DGKI: variants seen among roughly 807,000 people sequenced by gnomAD.
DGKI encodes the protein diacylglycerol kinase iota.
DGKI carries 55 observed loss-of-function variants against 147.5 expected under a neutral mutation model. The ratio of observed to expected loss-of-function variants is 0.37; its 90% confidence interval spans 0.30 to 0.47. The LOEUF is 0.47. DGKI is among the 20% of genes least tolerant of loss of function. The pLI, the probability that DGKI is intolerant of heterozygous loss-of-function variation, is 1.00. For missense variants in DGKI, 1,007 were observed against 1,323.8 expected, an observed-to-expected ratio of 0.76 and a Z score of 3.71; for synonymous variants, 469 against 477.1, an observed-to-expected ratio of 0.98 and a Z score of 0.22.
At chr7:137,532,719 G>A (rs897272488) in intron 20 of DGKI, among the ~76,000 whole-genome samples, 12 of 152,036 alleles carry the variant, frequency 7.9e-5, no homozygotes, top group African/African-American at 2.9e-4. Flanking sequence ...TGACCCTCCC[G>A]CTTTCCCAAT....
At chr7:137,395,728 A>G (rs1436406028) in intron 31 of DGKI, 31 bp from the exon 32 acceptor site, 1 of 1,605,808 alleles carries the variant, frequency 6.2e-7, no homozygotes, top group East Asian at 2.2e-5. Context: ...GAAACCACCC[A>G]TAAAGGGGTT....
At chr7:137,736,312 T>C (rs1795021191) in intron 1 of DGKI, among the ~76,000 whole-genome samples, 1 of 152,076 alleles carries the variant, frequency 6.6e-6, no homozygotes, top group African/African-American at 2.4e-5. Flanking sequence ...TCAAGCTAGG[T>C]TGCACGAGGC....
At chr7:137,422,420 T>C (rs945584241) in intron 28 of DGKI, among the ~76,000 whole-genome samples, 16 of 152,108 alleles carry the variant, frequency 1.1e-4, no homozygotes, top group African/African-American at 3.9e-4. Flanking sequence ...TATTTTTATA[T>C]AGTACCACCA....
At chr7:137,767,741 C>T (rs979336164) in intron 1 of DGKI, among the ~76,000 whole-genome samples, 7 of 152,162 alleles carry the variant, frequency 4.6e-5, no homozygotes, top group Admixed American at 1.3e-4. Context: ...CAGCTACTAC[C>T]TACATGACTT....
intron 19 of DGKI, among the ~76,000 whole-genome samples, chr7:137,568,932 A>AT (rs1254707486): frequency 2.0e-5 from 3 of 151,646 alleles, no homozygotes; most frequent in Non-Finnish European, 4.4e-5. Flanking sequence ...AAAAAAAAAC[A>AT]CCCATACCAG....
At chr7:137,540,324 T>C (rs1021238113) in intron 20 of DGKI, among the ~76,000 whole-genome samples, 4 of 152,094 alleles carry the variant, frequency 2.6e-5, no homozygotes, top group Admixed American at 1.3e-4. Flanking sequence ...TTATTCAACA[T>C]TGTACTCTAA....
intron 20 of DGKI, among the ~76,000 whole-genome samples, chr7:137,540,011 T>A (rs557131412): frequency 3.1e-4 from 47 of 152,254 alleles, no homozygotes; most frequent in South Asian, 1.0e-3. Flanking sequence ...CTCAAATACT[T>A]CGAGCAACTA....
intron 5 of DGKI, among the ~76,000 whole-genome samples, chr7:137,648,231 A>G (rs10156042): frequency 0.1 from 15,985 of 152,282 alleles, 2,390 homozygotes; most frequent in African/African-American, 0.34. Flanking sequence ...AAAATCTGTA[A>G]TTATTGAGAT....
chr7:137,437,812 C>T (rs1813338595), intron 28 of DGKI, among the ~76,000 whole-genome samples: 1 of 152,014 alleles, frequency 6.6e-6, no homozygotes, highest in African/African-American at 2.4e-5. Context: ...AACCTAGAGA[C>T]TCACATTTAC....
intron 1 of DGKI, among the ~76,000 whole-genome samples, chr7:137,827,860 A>T (rs976174223): frequency 6.6e-6 from 1 of 152,214 alleles, no homozygotes; most frequent in African/African-American, 2.4e-5. Context: ...TTCTGTTTCT[A>T]GTTTGCCATT....
intron 1 of DGKI, among the ~76,000 whole-genome samples, chr7:137,706,727 C>T (rs571060161): frequency 3.9e-5 from 6 of 152,098 alleles, no homozygotes; most frequent in Admixed American, 3.9e-4. Flanking sequence ...CGCATGCCAC[C>T]ATACCTGGCT....
At chr7:137,455,449 T>C (rs578061818) in intron 27 of DGKI, among the ~76,000 whole-genome samples, 16 of 152,160 alleles carry the variant, frequency 1.1e-4, no homozygotes, top group Non-Finnish European at 1.6e-4. Context: ...AGAACTGCTA[T>C]GTACTTAACT....
intron 3 of DGKI, among the ~76,000 whole-genome samples, chr7:137,664,295 T>C (rs1237131871): frequency 1.3e-5 from 2 of 149,798 alleles, no homozygotes; most frequent in Admixed American, 1.3e-4. Flanking sequence ...TGAGAATCAC[T>C]TGAACCTGGG....
intron 23 of DGKI, among the ~76,000 whole-genome samples, chr7:137,472,260 AT>A (rs1814957377): frequency 9.1e-6 from 1 of 110,426 alleles, no homozygotes; most frequent in African/African-American, 3.7e-5. Context: ...ACATAATATT[AT>A]ATGTATATAT....
At chr7:137,542,886 C>A (rs903078425) in intron 20 of DGKI, among the ~76,000 whole-genome samples, 33 of 152,334 alleles carry the variant, frequency 2.2e-4, no homozygotes, top group Middle Eastern at 3.4e-3. Flanking sequence ...GGCAACACAA[C>A]TGAAACCTTA....
At chr7:137,457,932 A>C (rs988207200) in intron 27 of DGKI, among the ~76,000 whole-genome samples, 1 of 152,180 alleles carries the variant, frequency 6.6e-6, no homozygotes, top group Non-Finnish European at 1.5e-5. Flanking sequence ...TCTAAAAAAA[A>C]AAGCAGCAAA....
chr7:137,819,255 C>T (rs1056207530), intron 1 of DGKI, among the ~76,000 whole-genome samples: 2 of 152,134 alleles, frequency 1.3e-5, no homozygotes, highest in Non-Finnish European at 2.9e-5. Context: ...AAGCTGTGTT[C>T]CCAGACCCAC....
chr7:137,834,542 G>A (rs1798308350), intron 1 of DGKI, among the ~76,000 whole-genome samples: 1 of 152,102 alleles, frequency 6.6e-6, no homozygotes, highest in Non-Finnish European at 1.5e-5. Flanking sequence ...TTAAATGGAA[G>A]GGCAACTTAC....
intron 21 of DGKI, among the ~76,000 whole-genome samples, chr7:137,504,111 C>T (rs1291424532): frequency 6.6e-6 from 1 of 152,130 alleles, no homozygotes; most frequent in Non-Finnish European, 1.5e-5. Flanking sequence ...ACCTTTCACA[C>T]TAAGTCCATG....
Sources: allele counts gnomAD v4.1 joint callset (sites outside exome capture counted in the v4.1 genomes callset), GRCh38; gene constraint gnomAD v4.1.1; transcripts MANE v1.5; gene names NCBI Gene and HGNC (gene_info 2026-07-23, HGNC 2026-07-21).